Variants in SMAD4 observed in about 807,000 individuals in gnomAD.
SMAD4 encodes SMAD family member 4, also known as MAD homolog 4.
Under a neutral mutation model 63.2 loss-of-function variants are expected in SMAD4, and 7 were observed. The ratio of observed to expected loss-of-function variants is 0.11; its 90% CI spans 0.06 to 0.21. The LOEUF (loss-of-function observed/expected upper bound fraction) is 0.21. Ranked by LOEUF, SMAD4 falls within the 10% of genes least tolerant of loss-of-function variation. The pLI is 1.00. For synonymous variants in SMAD4, 215 were observed against 235.4 expected, an observed-to-expected ratio of 0.91 and a Z score of 0.79; for missense variants, 312 against 693.8, an observed-to-expected ratio of 0.45 and a Z score of 6.18.
chr18:51,075,063 T>C (rs1466687358), intron 10 of SMAD4, among the ~76,000 whole-genome samples: 2 of 152,328 alleles, frequency 1.3e-5, no homozygotes, highest in African/African-American at 2.4e-5. Flanking sequence ...GAAATACATA[T>C]ATGTATATTG....
intron 4 of SMAD4, chr18:51,052,775 C>G (rs1167721839): frequency 2.6e-5 from 5 of 192,746 alleles, no homozygotes; most frequent in African/African-American, 9.4e-5. Flanking sequence ...TTTCTATATG[C>G]AAAAAATACA....
At chr18:51,063,758 A>T (rs558961799) in intron 8 of SMAD4, among the ~76,000 whole-genome samples, 1 of 152,304 alleles carries the variant, frequency 6.6e-6, no homozygotes, top group African/African-American at 2.4e-5. Flanking sequence ...TTAAGAAGAC[A>T]CTCAGTGAAG....
Position 51,082,483 on chromosome 18 carries a change from G to C in SMAD4, c.*4016G>C, listed in dbSNP as rs1357422751. 8.7e-6 allele frequency: 2 copies of C among 229,260 alleles called. No individual in the cohort carries two copies. Among genetic ancestry groups the C allele is most frequent in the African/African-American group, 2.2e-5 (1 of 45,058 alleles). 14.2% of individuals were successfully genotyped at this position (229,260 alleles called of 1,614,324 possible). On this transcript the variant is annotated 3_prime_UTR_variant, in exon 12 of 12. Transcript: ENST00000342988. ...CCAGTGCTGCTAGGTTGCTTATCTT[G>C]TTTATCTGGAATCACTGTGGAGTGA...
chr18:51,030,856 C>T (rs1045010273), intron 1 of SMAD4, among the ~76,000 whole-genome samples: 2 of 151,872 alleles, frequency 1.3e-5, no homozygotes, highest in Admixed American at 6.5e-5. Context: ...CCGCTTGCAG[C>T]TCGTGGGAGA....
chr18:51,046,920 G>C lies in SMAD4; in HGVS notation c.-127G>C. On this transcript the variant is annotated splice_region_variant and 5_prime_UTR_variant, in exon 2 of 12. Transcript: ENST00000342988. ...TGTCTTTTTTTTTTTTCTTTTTTAG[G>C]TTATCCTGAATACATGTCTAACAAT... 1.3e-6 allele frequency: 1 copy of C among 760,316 alleles called. No individual in the cohort carries two copies. Among genetic ancestry groups the C allele is most frequent in the Non-Finnish European group, 2.2e-6 (1 of 464,020 alleles). The allele number at this position is 760,316 out of a possible 1,614,324, so 47.1% of individuals were successfully genotyped here.
intron 1 of SMAD4, among the ~76,000 whole-genome samples, chr18:51,040,660 T>C (rs1158925341): frequency 4.6e-5 from 7 of 152,214 alleles, no homozygotes; most frequent in Non-Finnish European, 8.8e-5. Context: ...TTAGAGAGTA[T>C]CTTAATTAGT....
intron 10 of SMAD4, among the ~76,000 whole-genome samples, chr18:51,071,137 T>C (rs1910305183): frequency 6.6e-6 from 1 of 152,158 alleles, no homozygotes; most frequent in Non-Finnish European, 1.5e-5. Flanking sequence ...TGGGTAGCAG[T>C]AACTAAGGGA....
intron 4 of SMAD4, among the ~76,000 whole-genome samples, chr18:51,051,670 A>G (rs141801546): frequency 1.3e-4 from 20 of 152,316 alleles, no homozygotes; most frequent in African/African-American, 4.3e-4. Flanking sequence ...AAAGTAAATA[A>G]GAGAGTGATA....
At chr18:51,040,164 A>G (rs1454208920) in intron 1 of SMAD4, among the ~76,000 whole-genome samples, 3 of 152,130 alleles carry the variant, frequency 2.0e-5, no homozygotes, top group Admixed American at 1.3e-4. Context: ...ATGGTGGCTC[A>G]TACCTGTAAT....
chr18:51,065,636 TA>T lies in SMAD4; in HGVS notation c.1139+36del, dbSNP rs752240081. On this transcript the variant is annotated intron_variant, in intron 9 of 11. Coordinates refer to ENST00000342988, the MANE Select transcript of SMAD4 (RefSeq NM_005359.6). Reference sequence around the variant, plus strand: ...TGATTGTATAGTCAGATAGTTACTTTAAAAAATTGAGCATAGTACATTGTCT... The same window carrying T: ...TGATTGTATAGTCAGATAGTTACTTTAAAAATTGAGCATAGTACATTGTCT... 29 of 1,585,012 alleles carry T rather than the reference TA, an allele frequency of 1.8e-5. No individual in the cohort carries two copies. In the South Asian group the frequency reaches 3.1e-4, roughly 17 times the overall value.
At position 51,081,880 on chromosome 18, in the gene SMAD4, TAAAG is replaced by T. The variant is rs1416317240; in HGVS notation, c.*3416_*3419del. 4.3e-5 allele frequency: 10 copies of T among 232,226 alleles called. No homozygotes were observed. Among genetic ancestry groups the T allele is most frequent in the South Asian group, 3.6e-4 (2 of 5,522 alleles). 14.4% of individuals were successfully genotyped at this position (232,226 alleles called of 1,614,324 possible). A position where few individuals can be genotyped will look rare whatever the true frequency, so the allele number is the denominator to read the frequency against. On this transcript the variant is annotated 3_prime_UTR_variant, in exon 12 of 12. Transcript: ENST00000342988. ...ATGCTCCTTAAGTGTCTATGGAGGT[TAAAG>T]AATAAAATGGTAAATGTTTCTGTGC...
intron 3 of SMAD4, 143 bp downstream of exon 3, chr18:51,049,003 C>A (rs1265647595): frequency 4.8e-5 from 36 of 749,764 alleles, no homozygotes; most frequent in Admixed American, 1.3e-4. Flanking sequence ...TTTTAATATA[C>A]GTATTTAAAT....
intron 8 of SMAD4, among the ~76,000 whole-genome samples, chr18:51,062,848 C>CTTTTTT (rs1366376175): frequency 1.6e-4 from 13 of 83,588 alleles, no homozygotes; most frequent in East Asian, 4.2e-4. Context: ...TCTGGCTTTA[C>CTTTTTT]TTGTTTTTTT....
intron 7 of SMAD4, among the ~76,000 whole-genome samples, chr18:51,058,768 C>T (rs1164109662): frequency 1.3e-5 from 2 of 152,052 alleles, no homozygotes. Flanking sequence ...TCTTGTATAT[C>T]CACGCATAAT....
intron 11 of SMAD4, chr18:51,077,453 T>C: frequency 1.1e-6 from 1 of 870,968 alleles, no homozygotes; most frequent in Non-Finnish European, 1.4e-6. Flanking sequence ...AAAACTGCAG[T>C]GGCCCTGCAG....
At chr18:51,063,589 T>C (rs1400000663) in intron 8 of SMAD4, among the ~76,000 whole-genome samples, 1 of 152,126 alleles carries the variant, frequency 6.6e-6, no homozygotes, top group African/African-American at 2.4e-5. Context: ...ATTTTTCTAT[T>C]TTTCGTAGAG....
intron 4 of SMAD4, chr18:51,054,067 T>C (rs1451795884): frequency 6.6e-6 from 1 of 152,396 alleles, no homozygotes. Flanking sequence ...CTGTATCAGC[T>C]GGAATCTAGC....
intron 8 of SMAD4, among the ~76,000 whole-genome samples, chr18:51,062,047 G>A (rs1490653026): frequency 1.3e-5 from 2 of 152,188 alleles, no homozygotes; most frequent in Admixed American, 6.5e-5. Flanking sequence ...CTGGCTAGCA[G>A]TAGATGTCAT....
At position 51,065,344 on chromosome 18, in the gene SMAD4, A is replaced by C; in HGVS notation, c.956-79A>C. 3.3e-6 allele frequency: 4 copies of C among 1,199,940 alleles called. No homozygotes were observed. In the South Asian group the frequency reaches 4.9e-5, roughly 15 times the overall value. 74.3% of individuals were successfully genotyped at this position (1,199,940 alleles called of 1,614,324 possible). Reference sequence around the variant, plus strand: ...CCTCCCTTTACCCTTTCTTTTAGGAAAAACTGTGTTGTGGAGTGCAAGTGA... The same window carrying C: ...CCTCCCTTTACCCTTTCTTTTAGGACAAACTGTGTTGTGGAGTGCAAGTGA... On this transcript the variant is annotated intron_variant, in intron 8 of 11. Transcript: ENST00000342988.
Sources: allele counts gnomAD v4.1 joint callset (sites outside exome capture counted in the v4.1 genomes callset), GRCh38; gene constraint gnomAD v4.1.1; transcripts MANE v1.5; gene names NCBI Gene and HGNC (gene_info 2026-07-23, HGNC 2026-07-21).